The following SYNPO variants were observed in gnomAD, a reference collection of about 807,000 sequenced individuals.
SYNPO encodes synaptopodin.
SYNPO carries 19 observed loss-of-function variants against 49.5 expected under a neutral mutation model. The observed-to-expected ratio is 0.38, with a 90% CI of 0.27 to 0.56. The LOEUF (loss-of-function observed/expected upper bound fraction) is 0.56, where lower values mean the gene tolerates loss of function less well. SYNPO is among the 20% of genes least tolerant of loss of function. The pLI, the probability that SYNPO is intolerant of heterozygous loss-of-function variation, is 0.68. For synonymous variants in SYNPO, 536 were observed against 548.0 expected (o/e 0.98, Z 0.31); for missense variants, 1,131 against 1,248.3 (o/e 0.91, Z 1.42).
Position 150,650,281 on chromosome 5 carries a change from G to A in SYNPO, c.2006G>A (p.Arg669Gln), listed in dbSNP as rs1237991605. 7.4e-6 allele frequency: 12 copies of A among 1,613,986 alleles called. No homozygotes were observed. The Admixed American group carries it at 1.0e-4, about 13-fold the overall frequency. Reference protein sequence around the residue: ...KQAPRPSFSTRNAGIEAQDRR... With the variant: ...KQAPRPSFSTQNAGIEAQDRR... ...GCCCCCAGGCCCTCCTTCTCTACCC[G>A]GAACGCCGGGATCGAGGCTCAGGTG... Residue 669 changes from arginine to glutamine, a missense_variant, in exon 2 of 3, where the codon CGG becomes CAG. Physicochemically the swap from Arg to Gln is conservative, Grantham distance 43. Coordinates refer to ENST00000307662, the MANE Select transcript of SYNPO (RefSeq NM_007286.6).
At chr5:150,634,294 T>TG (rs2151391160) in intron 2 of SYNPO, among the ~76,000 whole-genome samples, 1 of 152,326 alleles carries the variant, frequency 6.6e-6, no homozygotes, top group South Asian at 2.1e-4. Context: ...GGAAGGAACT[T>TG]GCCAGAGGCC....
chr5:150,587,147 G>A, the SYNPO span, among the ~76,000 whole-genome samples: 1 of 152,092 alleles, frequency 6.6e-6, no homozygotes, highest in Admixed American at 6.5e-5. Flanking sequence ...TGTATGGATG[G>A]ATATAGGGGT....
At chr5:150,634,863 C>CACACACACACACACACA (rs919820578) in intron 2 of SYNPO, among the ~76,000 whole-genome samples, 1 of 45,798 alleles carries the variant, frequency 2.2e-5, no homozygotes, top group African/African-American at 1.4e-4. Flanking sequence ...CACACACACA[C>CACACACACACACACACA]CACACACACA....
At chr5:150,609,869 G>A (rs908503786) in intron 1 of SYNPO, among the ~76,000 whole-genome samples, 1 of 152,002 alleles carries the variant, frequency 6.6e-6, no homozygotes, top group African/African-American at 2.4e-5. Context: ...GTAGCCTTGG[G>A]CAAGTCCCTC....
intron 1 of SYNPO, among the ~76,000 whole-genome samples, chr5:150,613,390 C>T (rs1756902755): frequency 6.6e-6 from 1 of 152,186 alleles, no homozygotes; most frequent in Non-Finnish European, 1.5e-5. Flanking sequence ...TCCAAGCCCG[C>T]CTCGTTCTTC....
chr5:150,602,296 G>A (rs995238716), intron 1 of SYNPO, among the ~76,000 whole-genome samples: 2 of 152,176 alleles, frequency 1.3e-5, no homozygotes, highest in Admixed American at 6.5e-5. Flanking sequence ...TCCTGTCTCC[G>A]GGCCTGTTTC....
chr5:150,651,272 G>C (rs1167478560), intron 2 of SYNPO: 1 of 1,001,328 alleles, frequency 1.0e-6, no homozygotes, highest in Non-Finnish European at 1.2e-6. Context: ...CGGGGCCCAG[G>C]GGGAGGCAGG....
At chr5:150,636,253 C>T (rs755573466), upstream of SYNPO, among the ~76,000 whole-genome samples, 1 of 152,172 alleles carries the variant, frequency 6.6e-6, no homozygotes, top group Non-Finnish European at 1.5e-5. Context: ...TCTCCTTAAG[C>T]AGTAATATAC....
intron 1 of SYNPO, among the ~76,000 whole-genome samples, chr5:150,611,276 C>G (rs1293941339): frequency 6.6e-6 from 1 of 152,276 alleles, no homozygotes. Context: ...CTGTGTACTG[C>G]CAGCACTTAA....
chr5:150,645,455 T>C (rs1758055722), intron 1 of SYNPO, among the ~76,000 whole-genome samples: 1 of 152,248 alleles, frequency 6.6e-6, no homozygotes, highest in South Asian at 2.1e-4. Flanking sequence ...TTTGTTCATT[T>C]ATTATTCAAC....
At position 150,656,861 on chromosome 5, in the gene SYNPO, C is replaced by T. The variant is rs1329073939; in HGVS notation, c.2486C>T (p.Pro829Leu). Residue 829 changes from proline (P) to leucine (L), a missense_variant, in exon 3 of 3, where the codon CCC (proline) becomes CTC (leucine). Transcript: ENST00000307662. ...GCGCCCATCCCGCGGAGCCCGTTGC[C>T]CGCCGGTCCTTCGTCCTGCACCAGT... is the stretch of plus-strand genomic sequence containing the variant. ...AFAPIPRSPL[P>L]AGPSSCTSPR... 1.3e-6 allele frequency: 2 copies of T among 1,567,406 alleles called. No homozygotes were observed. The highest frequency in any genetic ancestry group is 1.7e-6 in the Non-Finnish European group (2 of 1,159,000).
chr5:150,627,114 A>G (rs1757382665), intron 2 of SYNPO, among the ~76,000 whole-genome samples: 1 of 151,892 alleles, frequency 6.6e-6, no homozygotes, highest in Admixed American at 6.5e-5. Context: ...CTTTTCCTTC[A>G]AGGCAGCTCC....
At chr5:150,635,155 C>A (rs1055578847) in intron 2 of SYNPO, among the ~76,000 whole-genome samples, 1 of 152,266 alleles carries the variant, frequency 6.6e-6, no homozygotes, top group South Asian at 2.1e-4. Flanking sequence ...CCCATCCATC[C>A]ATGCCAGCCT....
rs1160531040 is a variant in SYNPO, at chr5:150,603,087, G to A, written c.-266+1899G>A. Among the ~76,000 whole-genome samples the A allele has an allele frequency of 2.0e-5, 3 of 151,916 alleles. No homozygotes were observed. In the East Asian group the frequency reaches 5.8e-4, roughly 29 times the overall value. On this transcript the variant is annotated intron_variant, in intron 1 of 2. Coordinates refer to the SYNPO transcript ENST00000394243. ...TGTGGGAAGGGGCAGGGGATGGAAT[G>A]CGCAGAGCTGGGGAAAAGATCAGCC...
At chr5:150,652,982 G>A (rs1353152150) in intron 2 of SYNPO, 2 of 152,168 alleles carry the variant, frequency 1.3e-5, no homozygotes, top group African/African-American at 2.4e-5. Context: ...TACAGAAGGA[G>A]GTCAGAGACC....
chr5:150,601,058 T>A (rs57332481), upstream of SYNPO: 1 of 151,516 alleles, frequency 6.6e-6, no homozygotes, highest in Non-Finnish European at 1.5e-5. Flanking sequence ...CCTCCTCCCA[T>A]CCCGCTCAGC....
chr5:150,628,542 AAAATT>A (rs1383585654), intron 2 of SYNPO, among the ~76,000 whole-genome samples: 1 of 152,232 alleles, frequency 6.6e-6, no homozygotes, highest in East Asian at 1.9e-4. Flanking sequence ...TGTTGTTCTG[AAAATT>A]AAATGAGATG....
intron 2 of SYNPO, among the ~76,000 whole-genome samples, chr5:150,633,376 A>G (rs562419889): frequency 1.9e-4 from 29 of 152,238 alleles, no homozygotes; most frequent in Non-Finnish European, 3.1e-4. Flanking sequence ...TAAAACAACT[A>G]TTTTAGAGCA....
chr5:150,650,532 A>G lies in SYNPO; in HGVS notation c.2028+229A>G, dbSNP rs530116343. ...TCTGAGCTGAAGCCGCCCCTCCCCT[A>G]CTACAACAGGGGTCGGACTCCATGT... is the stretch of plus-strand genomic sequence containing the variant. On this transcript the variant is annotated intron_variant, in intron 2 of 2. Transcript: ENST00000307662. 3.5e-5 allele frequency: 52 copies of G among 1,472,044 alleles called. No homozygotes were observed. The Middle Eastern group carries it at 7.6e-4, about 21-fold the overall frequency. The allele number at this position is 1,472,044 out of a possible 1,614,324, so 91.2% of individuals were successfully genotyped here. A position where few individuals can be genotyped will look rare whatever the true frequency, so the allele number is the denominator to read the frequency against.
Sources: allele counts gnomAD v4.1 joint callset (sites outside exome capture counted in the v4.1 genomes callset), GRCh38; gene constraint gnomAD v4.1.1; transcripts MANE v1.5; gene names NCBI Gene and HGNC (gene_info 2026-07-23, HGNC 2026-07-21).